HPSE2: variants seen among roughly 807,000 people sequenced by gnomAD.
The protein encoded by HPSE2 is heparanase 2 (inactive).
A neutral mutation model predicts 60.5 loss-of-function variants in HPSE2; 38 were observed. The observed-to-expected ratio is 0.63, with a 90% CI of 0.48 to 0.82. The LOEUF is 0.82. HPSE2 is among the 40% of genes least tolerant of loss of function. HPSE2 has a pLI of 0.00. For missense variants in HPSE2, 713 were observed against 740.4 expected, an observed-to-expected ratio of 0.96 and a Z score of 0.43; for synonymous variants, 295 against 293.2, an observed-to-expected ratio of 1.01 and a Z score of -0.06.
chr10:99,154,360 G>A (rs1252879581), intron 2 of HPSE2, among the ~76,000 whole-genome samples: 1 of 88,378 alleles, frequency 1.1e-5, no homozygotes, highest in Non-Finnish European at 2.7e-5. Context: ...GAGAAAGGTC[G>A]GGTTACCCTC....
chr10:98,687,108 G>T (rs1374333096), intron 6 of HPSE2, among the ~76,000 whole-genome samples: 1 of 151,544 alleles, frequency 6.6e-6, no homozygotes. Context: ...CTTCAGTACT[G>T]TATTTGATTG....
intron 2 of HPSE2, among the ~76,000 whole-genome samples, chr10:99,203,023 G>T (rs965511037): frequency 1.3e-5 from 2 of 152,090 alleles, no homozygotes; most frequent in African/African-American, 4.8e-5. Context: ...GGCCCCCATG[G>T]CCCCAGAACG....
chr10:98,675,570 A>ACACG (rs1947616924), intron 6 of HPSE2, among the ~76,000 whole-genome samples: 1 of 151,496 alleles, frequency 6.6e-6, no homozygotes, highest in Admixed American at 6.6e-5. Context: ...ACACACACAC[A>ACACG]CACACACAAT....
chr10:98,852,145 GTGTGTGTGTGTGTGTGTGTGTA>G lies in HPSE2; in HGVS notation c.611-108111_611-108090del, dbSNP rs1160076200. ...TGTGTGTGTGTGTGTGTGTGTGTGT[GTGTGTGTGTGTGTGTGTGTGTA>G]TATATGTTTGGTTTTCATCCATCCT... is the stretch of plus-strand genomic sequence containing the variant. On this transcript the variant is annotated intron_variant, in intron 3 of 11. Coordinates refer to ENST00000370552, the MANE Select transcript of HPSE2 (RefSeq NM_021828.5). Among the ~76,000 whole-genome samples the G allele has an allele frequency of 7.9e-5, 11 of 139,210 alleles. No individual in the cohort carries two copies. In the East Asian group the frequency reaches 8.9e-4, roughly 11 times the overall value. The allele number at this position is 139,210 out of a possible 152,430, so 91.3% of individuals were successfully genotyped here. A position where few individuals can be genotyped will look rare whatever the true frequency, so the allele number is the denominator to read the frequency against.
intron 11 of HPSE2, among the ~76,000 whole-genome samples, chr10:98,471,678 G>C (rs1259230443): frequency 6.6e-6 from 1 of 152,060 alleles, no homozygotes; most frequent in East Asian, 1.9e-4. Context: ...ACCTTGGTGG[G>C]ATGATTATGC....
At chr10:99,312,133 A>C in the HPSE2 span, among the ~76,000 whole-genome samples, 1 of 152,366 alleles carries the variant, frequency 6.6e-6, no homozygotes, top group Admixed American at 6.5e-5. Flanking sequence ...TCTCCATAAC[A>C]TAAAATTACA....
At chr10:99,185,172 C>T (rs1452772248) in intron 2 of HPSE2, among the ~76,000 whole-genome samples, 6 of 151,572 alleles carry the variant, frequency 4.0e-5, no homozygotes, top group South Asian at 2.1e-4. Context: ...GGTGTGATGA[C>T]GTACACTTGT....
chr10:98,461,415 GATCTGAAGGTCAGTGTTGACCGC>G (rs1334547866), intron 11 of HPSE2, among the ~76,000 whole-genome samples: 1 of 152,180 alleles, frequency 6.6e-6, no homozygotes, highest in Non-Finnish European at 1.5e-5. Context: ...GGAGAATTGA[GATCTGAAGGTCAGTGTTGACCGC>G]ATCAGATATG....
intron 2 of HPSE2, among the ~76,000 whole-genome samples, chr10:99,179,716 T>A (rs1847680592): frequency 6.6e-6 from 1 of 151,060 alleles, no homozygotes; most frequent in Admixed American, 6.6e-5. Context: ...GCTATCCCCA[T>A]CAAGCTACCA....
At chr10:99,086,832 C>G (rs1032747727) in intron 3 of HPSE2, among the ~76,000 whole-genome samples, 2 of 152,212 alleles carry the variant, frequency 1.3e-5, no homozygotes, top group Non-Finnish European at 2.9e-5. Context: ...AACTATTTCT[C>G]TCCTTCTGAG....
intron 2 of HPSE2, among the ~76,000 whole-genome samples, chr10:99,197,187 A>G (rs908710880): frequency 1.3e-5 from 2 of 152,160 alleles, no homozygotes; most frequent in Non-Finnish European, 2.9e-5. Context: ...AATTAAACTC[A>G]TGGACATAGT....
chr10:98,880,435 C>CT (rs1366349521), intron 3 of HPSE2, among the ~76,000 whole-genome samples: 1 of 151,530 alleles, frequency 6.6e-6, no homozygotes, highest in Non-Finnish European at 1.5e-5. Context: ...AAACTCATGC[C>CT]TGTTAGGGTT....
chr10:99,269,146 C>T, the HPSE2 span, among the ~76,000 whole-genome samples: 8 of 150,378 alleles, frequency 5.3e-5, no homozygotes, highest in African/African-American at 1.2e-4. Context: ...GGGACAAGAG[C>T]GAGACTTCGT....
chr10:98,724,692 T>G (rs10786464), intron 4 of HPSE2, among the ~76,000 whole-genome samples: 150,940 of 152,222 alleles, frequency 0.99, 74,845 homozygotes, highest in East Asian at 1. Flanking sequence ...AGCTCTTCTT[T>G]TTGAATTGAT....
At chr10:98,949,068 T>G (rs1430604545) in intron 3 of HPSE2, among the ~76,000 whole-genome samples, 3 of 152,048 alleles carry the variant, frequency 2.0e-5, no homozygotes, top group Non-Finnish European at 4.4e-5. Context: ...CCCCCTCAAC[T>G]CCCGTGTTTT....
At chr10:98,608,272 T>C (rs868297386) in intron 9 of HPSE2, among the ~76,000 whole-genome samples, 18 of 152,314 alleles carry the variant, frequency 1.2e-4, no homozygotes, top group Middle Eastern at 3.4e-3. Flanking sequence ...AAGACTCATG[T>C]AACTAGAAAA....
chr10:98,594,230 A>G (rs1313271021), intron 9 of HPSE2, among the ~76,000 whole-genome samples: 1 of 152,140 alleles, frequency 6.6e-6, no homozygotes, highest in African/African-American at 2.4e-5. Context: ...TTGTACATAG[A>G]TAACTTAAAA....
Position 98,799,545 on chromosome 10 carries a change from C to G in HPSE2, c.611-55489G>C, listed in dbSNP as rs868608893. 8.6e-4 allele frequency among the ~76,000 whole-genome samples: 131 copies of G among 152,168 alleles called. No homozygotes were observed. The Middle Eastern group carries it at 0.01, about 12-fold the overall frequency. On this transcript the variant is annotated intron_variant, in intron 3 of 11. Transcript: ENST00000370552. ...ATAGACTATATGTTAGGTCACAAAACAAGTCTTAAAATACTCAAAAAACTG... is the reference window on the plus strand; with the variant it reads ...ATAGACTATATGTTAGGTCACAAAAGAAGTCTTAAAATACTCAAAAAACTG...
chr10:98,794,095 T>C (rs561443070), intron 3 of HPSE2, among the ~76,000 whole-genome samples: 17 of 152,192 alleles, frequency 1.1e-4, no homozygotes, highest in Non-Finnish European at 1.5e-4. Flanking sequence ...AAATTTTCAT[T>C]GTTATAACCA....
Sources: allele counts gnomAD v4.1 joint callset (sites outside exome capture counted in the v4.1 genomes callset), GRCh38; gene constraint gnomAD v4.1.1; transcripts MANE v1.5; gene names NCBI Gene and HGNC (gene_info 2026-07-23, HGNC 2026-07-21).